SOX6: variants seen among roughly 807,000 people sequenced by gnomAD.
SOX6 encodes SRY-box transcription factor 6.
SOX6 carries 11 observed loss-of-function variants against 97.8 expected under a neutral mutation model. That is an observed-to-expected ratio of 0.11 (90% CI 0.07 to 0.19). SOX6 has a LOEUF of 0.19. Among genes scored for constraint, SOX6 ranks in the 10% least tolerant of loss-of-function variants. The probability of loss-of-function intolerance (pLI) is 1.00; values close to 1 mark genes in which losing one functional copy is unlikely to be tolerated. For synonymous variants in SOX6, 360 were observed against 371.4 expected (o/e 0.97, Z 0.35); for missense variants, 810 against 1,039.5 (o/e 0.78, Z 3.04).
intron 6 of SOX6, among the ~76,000 whole-genome samples, chr11:16,151,173 G>A (rs1415104276): frequency 6.6e-6 from 1 of 152,054 alleles, no homozygotes; most frequent in Non-Finnish European, 1.5e-5. Context: ...TTGGGTCACA[G>A]AAACATCTAA....
In SOX6 at chr11:16,498,386, T is replaced by A. The variant is rs1186370363; in HGVS notation, n.610-21998A>T. ...ATTGTAAAGACCATCGAGGCTAGGATGAAACTGCATCAACTAACAAGCAAA... is the reference window on the plus strand; with the variant it reads ...ATTGTAAAGACCATCGAGGCTAGGAAGAAACTGCATCAACTAACAAGCAAA... On this transcript the variant is annotated intron_variant and non_coding_transcript_variant, in intron 4 of 5. Coordinates refer to the SOX6 transcript ENST00000524520. Among the ~76,000 whole-genome samples, 3 of 152,148 alleles carry A rather than the reference T, an allele frequency of 2.0e-5. 1 individual carries two copies. Among genetic ancestry groups the A allele is most frequent in the South Asian group, 4.1e-4 (2 of 4,828 alleles).
Position 16,460,936 on chromosome 11 carries a change from T to C in SOX6, c.-5+15379A>G, listed in dbSNP as rs189256459. On this transcript the variant is annotated intron_variant, in intron 1 of 15. Transcript: ENST00000396356. Reference sequence around the variant, plus strand: ...CACTTTAGGTCCTAGCCTTAATATCTTTTGTATTTATGTTATGCCTCTAAT... The same window carrying C: ...CACTTTAGGTCCTAGCCTTAATATCCTTTGTATTTATGTTATGCCTCTAAT... 2.1e-3 allele frequency among the ~76,000 whole-genome samples: 318 copies of C among 152,264 alleles called. 3 individuals are homozygous for C. The highest frequency in any genetic ancestry group is 3.3e-3 in the Non-Finnish European group (224 of 67,982).
At chr11:16,128,123 T>C (rs146965112) in intron 6 of SOX6, among the ~76,000 whole-genome samples, 218 of 152,308 alleles carry the variant, frequency 1.4e-3, no homozygotes, top group African/African-American at 5.1e-3. Context: ...CATATAGAAG[T>C]CTTAGATTTT....
intron 12 of SOX6, among the ~76,000 whole-genome samples, chr11:16,021,441 C>T (rs1200163623): frequency 1.3e-5 from 2 of 151,938 alleles, no homozygotes; most frequent in Admixed American, 6.6e-5. Flanking sequence ...ATTTTAGATC[C>T]TTTATTATGC....
chr11:16,573,679 T>C (rs1405640232), intron 4 of SOX6, among the ~76,000 whole-genome samples: 1 of 152,154 alleles, frequency 6.6e-6, no homozygotes, highest in Non-Finnish European at 1.5e-5. Context: ...AAACAACCAA[T>C]ACATTAATTT....
chr11:16,489,842 A>G (rs1312221616), intron 4 of SOX6, among the ~76,000 whole-genome samples: 1 of 152,096 alleles, frequency 6.6e-6, no homozygotes, highest in Admixed American at 6.6e-5. Flanking sequence ...TATACTGAGA[A>G]AGTGAAGGCT....
intron 6 of SOX6, among the ~76,000 whole-genome samples, chr11:16,160,473 C>G (rs1850719281): frequency 6.6e-6 from 1 of 152,120 alleles, no homozygotes; most frequent in African/African-American, 2.4e-5. Flanking sequence ...AACACATGCC[C>G]ATATATACCA....
At chr11:16,174,252 A>G (rs564393519) in intron 6 of SOX6, among the ~76,000 whole-genome samples, 2 of 152,000 alleles carry the variant, frequency 1.3e-5, no homozygotes, top group South Asian at 4.1e-4. Flanking sequence ...CCACTGAAAC[A>G]TACATGTATC....
At chr11:16,074,001 A>G (rs1252000862) in intron 9 of SOX6, among the ~76,000 whole-genome samples, 1 of 152,196 alleles carries the variant, frequency 6.6e-6, no homozygotes, top group Non-Finnish European at 1.5e-5. Context: ...ACAGATCTCA[A>G]ATTAACAACC....
rs117737358 is a variant in SOX6 at position 16,088,527 on chromosome 11, C to T, written c.1101+7469G>A. Among the ~76,000 whole-genome samples, 62 of 152,230 alleles carry T rather than the reference C, an allele frequency of 4.1e-4. No individual in the cohort carries two copies. In the East Asian group the frequency reaches 8.3e-3, roughly 20 times the overall value. Reference sequence around the variant, plus strand: ...TACTGTCTCCATAGTTGCGCCCTTTCCAGAATGTCACATAGTTGGAATCAT... The same window carrying T: ...TACTGTCTCCATAGTTGCGCCCTTTTCAGAATGTCACATAGTTGGAATCAT... On this transcript the variant is annotated intron_variant, in intron 9 of 15. Transcript: ENST00000683767.
intron 4 of SOX6, among the ~76,000 whole-genome samples, chr11:16,211,610 A>G (rs544523369): frequency 5.4e-4 from 82 of 152,184 alleles, no homozygotes; most frequent in African/African-American, 1.9e-3. Flanking sequence ...GAATCTGGAG[A>G]ATGTAGTTGT....
intron 7 of SOX6, 133 bp from the exon 8 acceptor site, chr11:16,097,821 G>C (rs991180214): frequency 7.1e-6 from 6 of 839,874 alleles, no homozygotes; most frequent in Admixed American, 5.8e-5. Context: ...GAAACAAAAG[G>C]CTTAGTTGGG....
chr11:16,715,490 C>T (rs991092740), intron 2 of SOX6, among the ~76,000 whole-genome samples: 1 of 150,756 alleles, frequency 6.6e-6, no homozygotes, highest in Non-Finnish European at 1.5e-5. Flanking sequence ...TTTTATTTTC[C>T]CCAAAGAAAT....
At chr11:16,565,922 C>T (rs1847868687) in intron 4 of SOX6, among the ~76,000 whole-genome samples, 1 of 151,764 alleles carries the variant, frequency 6.6e-6, no homozygotes, top group Admixed American at 6.6e-5. Context: ...TGGTGAAACC[C>T]CGTCTCTACT....
rs1565191573 is a variant in SOX6, at chr11:16,605,991, T to G, written n.609+6090A>C. On this transcript the variant is annotated intron_variant and non_coding_transcript_variant, in intron 4 of 5. Transcript: ENST00000524520. The surrounding 1 kb of genome is among the most constrained non-coding windows in gnomAD (Gnocchi z 5.3). ...GTCCAGGTTGGATATTGTCTACGTA[T>G]GGATCAGCCCTTGGATGAGGGTTTA... The G allele has an allele frequency of 2.0e-5, 3 of 152,364 alleles. No homozygotes were observed. The highest frequency in any genetic ancestry group is 4.4e-5 in the Non-Finnish European group (3 of 68,076). 9.4% of individuals were successfully genotyped at this position (152,364 alleles called of 1,614,324 possible).
At chr11:16,735,196 G>A (rs1848382616) in intron 2 of SOX6, among the ~76,000 whole-genome samples, 1 of 152,134 alleles carries the variant, frequency 6.6e-6, no homozygotes, top group South Asian at 2.1e-4. Context: ...AACCCATATA[G>A]TGAGAGAGTT....
At chr11:16,661,366 A>G (rs1847764281) in intron 3 of SOX6, among the ~76,000 whole-genome samples, 1 of 152,162 alleles carries the variant, frequency 6.6e-6, no homozygotes, top group African/African-American at 2.4e-5. Context: ...TAAACAAAAT[A>G]TAATTGGGTC....
At chr11:16,147,773 G>C (rs1850349715) in intron 6 of SOX6, among the ~76,000 whole-genome samples, 1 of 152,120 alleles carries the variant, frequency 6.6e-6, no homozygotes, top group Non-Finnish European at 1.5e-5. Context: ...ACCCTGAAGA[G>C]CACAGCCAGT....
chr11:15,995,711 A>C (rs962830111), intron 13 of SOX6, among the ~76,000 whole-genome samples: 2 of 152,142 alleles, frequency 1.3e-5, no homozygotes, highest in African/African-American at 2.4e-5. Context: ...CTGAAAACCA[A>C]AGACAAAGAG....
Sources: gnomAD v4.1 joint callset for allele counts (sites outside exome capture counted in the v4.1 genomes callset) on GRCh38, gnomAD v4.1.1 for gene constraint, Gnocchi (gnomAD v3.1) non-coding constraint, MANE v1.5 for transcripts, NCBI Gene and HGNC (gene_info 2026-07-23, HGNC 2026-07-21) for gene names.